The following FMN1 variants were observed in gnomAD, a reference collection of about 807,000 sequenced individuals.
FMN1 encodes the protein formin 1.
Under a neutral mutation model 132.4 loss-of-function variants are expected in FMN1, and 110 were observed. That is an observed-to-expected ratio of 0.83 (90% CI 0.71 to 0.97). The LOEUF is 0.97. Among genes scored for constraint, FMN1 ranks in the 50% least tolerant of loss-of-function variants. The pLI is 0.00. For synonymous variants in FMN1, 722 were observed against 651.7 expected, an observed-to-expected ratio of 1.11 and a Z score of -1.64; for missense variants, 1,792 against 1,705.3, an observed-to-expected ratio of 1.05 and a Z score of -0.90.
chr15:32,939,260 T>A (rs113168826), intron 9 of FMN1, among the ~76,000 whole-genome samples: 1 of 152,232 alleles, frequency 6.6e-6, no homozygotes, highest in Non-Finnish European at 1.5e-5. Flanking sequence ...ACCGAATTTT[T>A]ACGGTAATTC....
At chr15:32,829,189 G>A (rs746813407) in intron 17 of FMN1, among the ~76,000 whole-genome samples, 1 of 152,178 alleles carries the variant, frequency 6.6e-6, no homozygotes. Flanking sequence ...AGTTAATATT[G>A]ATGTAACTAG....
At position 33,025,629 on chromosome 15, in the gene FMN1, G is replaced by A. The variant is rs112551624; in HGVS notation, c.2162-17554C>T. Among the ~76,000 whole-genome samples the A allele has an allele frequency of 7.7e-3, 1,165 of 152,230 alleles. 10 individuals carry two copies. Among genetic ancestry groups the A allele is most frequent in the African/African-American group, 0.026 (1,062 of 41,538 alleles). ...CCCAACCAACCAACAAAGCAATTAT[G>A]CGGCGTTTGTTCTAAGAATGTAGGA... is the stretch of plus-strand genomic sequence containing the variant. On this transcript the variant is annotated intron_variant, in intron 6 of 20. Transcript: ENST00000616417.
At chr15:32,963,244 CA>C (rs1478407917) in intron 9 of FMN1, among the ~76,000 whole-genome samples, 1 of 147,388 alleles carries the variant, frequency 6.8e-6, no homozygotes, top group African/African-American at 2.5e-5. Context: ...ATCACAAGAA[CA>C]AAAAACCAAA....
Position 32,942,400 on chromosome 15 carries a change from T to C in FMN1, c.3139-16139A>G, listed in dbSNP as rs528256000. Among the ~76,000 whole-genome samples the C allele has an allele frequency of 2.6e-5, 4 of 152,316 alleles. No individual in the cohort carries two copies. In the South Asian group the frequency reaches 8.3e-4, roughly 32 times the overall value. On this transcript the variant is annotated intron_variant, in intron 9 of 20. Coordinates refer to ENST00000616417, the MANE Select transcript of FMN1 (RefSeq NM_001277313.2). Reference sequence around the variant, plus strand: ...AGAATTCTTGTCAGGTCCAGTGGGATTTTTACATCTACAGAAAATCTGTAC... The same window carrying C: ...AGAATTCTTGTCAGGTCCAGTGGGACTTTTACATCTACAGAAAATCTGTAC...
intron 6 of FMN1, among the ~76,000 whole-genome samples, chr15:33,050,155 G>T (rs1358585897): frequency 6.6e-6 from 1 of 152,218 alleles, no homozygotes; most frequent in African/African-American, 2.4e-5. Flanking sequence ...GTGATGTTCA[G>T]TAGGTTAGGC....
At chr15:33,094,635 A>G (rs1405129981) in intron 4 of FMN1, among the ~76,000 whole-genome samples, 1 of 152,222 alleles carries the variant, frequency 6.6e-6, no homozygotes, top group Non-Finnish European at 1.5e-5. Context: ...AAAGTCAAAC[A>G]TAGGAGCCTA....
At chr15:32,858,552 T>C (rs890062165) in intron 16 of FMN1, among the ~76,000 whole-genome samples, 1 of 152,212 alleles carries the variant, frequency 6.6e-6, no homozygotes, top group Non-Finnish European at 1.5e-5. Flanking sequence ...GCTCTATCTA[T>C]TGACATTGTT....
chr15:33,058,944 A>AT (rs760929230), intron 6 of FMN1, among the ~76,000 whole-genome samples: 5 of 152,166 alleles, frequency 3.3e-5, no homozygotes, highest in African/African-American at 4.8e-5. Flanking sequence ...AGAATACATT[A>AT]TTTTTTACTA....
intron 4 of FMN1, among the ~76,000 whole-genome samples, chr15:33,117,192 C>G (rs1029936160): frequency 6.6e-6 from 1 of 152,048 alleles, no homozygotes; most frequent in African/African-American, 2.4e-5. Flanking sequence ...AGTCCCCAAC[C>G]CCTACTCCAA....
intron 6 of FMN1, among the ~76,000 whole-genome samples, chr15:33,052,544 ACAATTCAATT>A (rs375986535): frequency 0.014 from 2,185 of 152,278 alleles, 22 homozygotes; most frequent in Middle Eastern, 0.041. Context: ...TGGGTGTCCT[ACAATTCAATT>A]CAATTCAATT....
intron 17 of FMN1, among the ~76,000 whole-genome samples, chr15:32,849,551 G>A (rs1024321041): frequency 2.7e-4 from 41 of 150,628 alleles, no homozygotes; most frequent in Admixed American, 4.7e-4. Context: ...ATTAGAAACC[G>A]ACTTCGGGGG....
chr15:33,014,809 T>G (rs975558725), intron 6 of FMN1, among the ~76,000 whole-genome samples: 2 of 152,214 alleles, frequency 1.3e-5, no homozygotes, highest in Non-Finnish European at 2.9e-5. Context: ...GCCCTCCAAT[T>G]TGTGAAGAGC....
intron 13 of FMN1, among the ~76,000 whole-genome samples, chr15:32,901,007 AGCTGGGCGTGATG>A (rs2060280910): frequency 1.3e-5 from 2 of 152,086 alleles, no homozygotes; most frequent in Non-Finnish European, 2.9e-5. Flanking sequence ...TACAAAAACT[AGCTGGGCGTGATG>A]GCAGGCACCT....
At chr15:32,774,620 C>T (rs891482909) in intron 20 of FMN1, among the ~76,000 whole-genome samples, 12 of 152,096 alleles carry the variant, frequency 7.9e-5, no homozygotes, top group Non-Finnish European at 1.5e-4. Context: ...TTTACCATGC[C>T]AGGGTGGTCT....
At chr15:32,912,355 C>T (rs1387679197) in intron 10 of FMN1, among the ~76,000 whole-genome samples, 2 of 152,158 alleles carry the variant, frequency 1.3e-5, no homozygotes, top group African/African-American at 4.8e-5. Context: ...CAACCATGGG[C>T]TCTGAAGACA....
At chr15:33,113,299 G>A (rs558031499) in intron 4 of FMN1, among the ~76,000 whole-genome samples, 9 of 152,078 alleles carry the variant, frequency 5.9e-5, no homozygotes, top group African/African-American at 1.9e-4. Context: ...CAGGATGAGT[G>A]TTGCCATGTA....
chr15:33,193,347 T>C (rs2140367609), intron 2 of FMN1, among the ~76,000 whole-genome samples: 1 of 152,306 alleles, frequency 6.6e-6, no homozygotes, highest in Non-Finnish European at 1.5e-5. Context: ...GGCTGTTGAA[T>C]CCCATTGGTG....
chr15:33,192,570 G>A (rs1265311666), intron 2 of FMN1, among the ~76,000 whole-genome samples: 4 of 152,154 alleles, frequency 2.6e-5, no homozygotes, highest in South Asian at 2.1e-4. Context: ...ACTAAGAATC[G>A]GCTAAGTACT....
intron 5 of FMN1, among the ~76,000 whole-genome samples, chr15:33,087,239 C>G (rs1176786245): frequency 6.6e-6 from 1 of 152,122 alleles, no homozygotes; most frequent in African/African-American, 2.4e-5. Context: ...TCAATGAAAA[C>G]AAGAATGAAT....
Sources: allele counts gnomAD v4.1 joint callset (sites outside exome capture counted in the v4.1 genomes callset), GRCh38; gene constraint gnomAD v4.1.1; transcripts MANE v1.5; gene names NCBI Gene and HGNC (gene_info 2026-07-23, HGNC 2026-07-21).